KIAA0319: variants seen among roughly 807,000 people sequenced by gnomAD.
KIAA0319 encodes the protein KIAA0319.
KIAA0319 carries 83 observed loss-of-function variants against 108.4 expected under a neutral mutation model. That is an observed-to-expected ratio of 0.77 (90% confidence interval 0.64 to 0.92). The LOEUF is 0.92. Ranked by LOEUF, KIAA0319 falls within the 40% of genes least tolerant of loss-of-function variation. The pLI is 0.00. For missense variants in KIAA0319, 1,195 were observed against 1,322.4 expected (o/e 0.90, Z 1.49); for synonymous variants, 484 against 510.4 (o/e 0.95, Z 0.70).
intron 13 of KIAA0319, among the ~76,000 whole-genome samples, chr6:24,568,341 G>A (rs1256649370): frequency 3.3e-5 from 5 of 152,202 alleles, no homozygotes; most frequent in Admixed American, 3.3e-4. Flanking sequence ...AGACACTCAG[G>A]CAGTTCACAG....
chr6:24,632,050 T>G (rs1173791573), intron 1 of KIAA0319, among the ~76,000 whole-genome samples: 1 of 152,256 alleles, frequency 6.6e-6, no homozygotes, highest in Non-Finnish European at 1.5e-5. Flanking sequence ...GATCAGCTAG[T>G]AAAAAGTTTT....
chr6:24,583,294 G>T, intron 5 of KIAA0319: 1 of 1,002,900 alleles, frequency 1.0e-6, no homozygotes, highest in Non-Finnish European at 1.2e-6. Context: ...GGTTCTATGG[G>T]TTATTACAGT....
intron 4 of KIAA0319, among the ~76,000 whole-genome samples, chr6:24,587,218 A>G (rs1767641888): frequency 6.6e-6 from 1 of 151,304 alleles, no homozygotes; most frequent in Admixed American, 6.6e-5. Flanking sequence ...GCAACCATTC[A>G]CCATAGCCTT....
chr6:24,618,347 A>G (rs997554319), intron 1 of KIAA0319, among the ~76,000 whole-genome samples: 1 of 152,104 alleles, frequency 6.6e-6, no homozygotes, highest in African/African-American at 2.4e-5. Context: ...AATGACTCAC[A>G]GTTATAACCC....
rs1186085546 is a variant in KIAA0319, at chr6:24,566,698, G to A, written c.2191C>T (p.Leu731Phe). The stretch of plus-strand genomic sequence containing the variant: ...TCCAAAGTAATGGAATTATTGGGAA[G>A]CACAAGAACATGTCTGCCACCAGCC... Reference protein sequence around the residue: ...ARAGGRHVLVLPNNSITLDGS... With the variant: ...ARAGGRHVLVFPNNSITLDGS... Residue 731 changes from leucine (L) to phenylalanine (F), a missense_variant, in exon 14 of 21, where the codon CTT (leucine) becomes TTT (phenylalanine). Transcript: ENST00000378214. 6.2e-6 allele frequency: 10 copies of A among 1,613,346 alleles called. No individual in the cohort carries two copies. Among genetic ancestry groups the A allele is most frequent in the Non-Finnish European group, 8.5e-6 (10 of 1,179,668 alleles).
At chr6:24,629,440 G>A (rs568841072) in intron 1 of KIAA0319, among the ~76,000 whole-genome samples, 7 of 143,190 alleles carry the variant, frequency 4.9e-5, no homozygotes, top group Non-Finnish European at 9.0e-5. Flanking sequence ...GCATGAACCC[G>A]GGAAGCAGAG....
chr6:24,630,683 G>GTATATATATATATATATATATA (rs563881076), intron 1 of KIAA0319, among the ~76,000 whole-genome samples: 19 of 100,676 alleles, frequency 1.9e-4, no homozygotes, highest in African/African-American at 5.5e-4. Context: ...GTGTATATGT[G>GTATATATATATATATATATATA]TATATATATA....
chr6:24,633,383 T>A (rs1775818617), intron 1 of KIAA0319, among the ~76,000 whole-genome samples: 1 of 151,580 alleles, frequency 6.6e-6, no homozygotes, highest in African/African-American at 2.4e-5. Flanking sequence ...AAGATATGAA[T>A]AAAGGGAATG....
chr6:24,633,906 G>A (rs1775885992), intron 1 of KIAA0319, among the ~76,000 whole-genome samples: 2 of 151,886 alleles, frequency 1.3e-5, no homozygotes, highest in Non-Finnish European at 2.9e-5. Context: ...ACTACCACTA[G>A]AAAGAAAATT....
chr6:24,547,306 C>G lies in KIAA0319; in HGVS notation c.3078G>C (p.Leu1026=). 1 of 1,614,180 alleles carries G rather than the reference C, an allele frequency of 6.2e-7. No homozygotes were observed. ...KHRSTEHNSS[L]MVSESEFDSD... ...TGTCAAACTCAGACTCGGATACCATCAGGCTGGAGTTGTGCTCTGTGCTTC... is the reference window on the plus strand; with the variant it reads ...TGTCAAACTCAGACTCGGATACCATGAGGCTGGAGTTGTGCTCTGTGCTTC... Residue 1026 remains leucine, a synonymous_variant, in exon 21 of 21, where the codon CTG becomes CTC. Coordinates refer to ENST00000378214, the MANE Select transcript of KIAA0319 (RefSeq NM_014809.4).
At chr6:24,581,099 C>T (rs1361363910) in intron 6 of KIAA0319, 86 bp from the exon 7 acceptor site, 28 of 824,482 alleles carry the variant, frequency 3.4e-5, no homozygotes, top group Admixed American at 2.5e-4. Flanking sequence ...TCCCAGAAGC[C>T]GCACTCCTAA....
chr6:24,616,253 T>G (rs1297055227), intron 1 of KIAA0319, among the ~76,000 whole-genome samples: 1 of 152,272 alleles, frequency 6.6e-6, no homozygotes, highest in African/African-American at 2.4e-5. Context: ...TCTTGAGGTA[T>G]CCTTAAAATT....
chr6:24,580,748 C>T (rs1027881790), intron 7 of KIAA0319, among the ~76,000 whole-genome samples, 178 bp downstream of exon 7: 7 of 150,830 alleles, frequency 4.6e-5, no homozygotes, highest in Admixed American at 2.0e-4. Flanking sequence ...AAGTGTTATG[C>T]GAAAGGTAGA....
At chr6:24,564,884 A>G (rs1006589730) in intron 14 of KIAA0319, among the ~76,000 whole-genome samples, 4 of 152,214 alleles carry the variant, frequency 2.6e-5, no homozygotes, top group Admixed American at 1.3e-4. Flanking sequence ...ACAGAGACTC[A>G]TTGTTATTAC....
chr6:24,572,808 A>G lies in KIAA0319; in HGVS notation c.1735-110T>C, dbSNP rs1378074762. On this transcript the variant is annotated intron_variant, in intron 10 of 20. Transcript: ENST00000378214. ...ACTAACAATTTTACTTAATACAGAG[A>G]TCTTGCTCAAAAAAGAAATGTGTTT... is the stretch of plus-strand genomic sequence containing the variant. 3 of 1,096,634 alleles carry G rather than the reference A, an allele frequency of 2.7e-6. No homozygotes were observed. The African/African-American group carries it at 4.9e-5, about 18-fold the overall frequency. 67.9% of individuals were successfully genotyped at this position (1,096,634 alleles called of 1,614,324 possible). A position where few individuals can be genotyped will look rare whatever the true frequency, so the allele number is the denominator to read the frequency against.
At chr6:24,566,125 G>T (rs760830448) in intron 14 of KIAA0319, among the ~76,000 whole-genome samples, 1 of 152,216 alleles carries the variant, frequency 6.6e-6, no homozygotes, top group Non-Finnish European at 1.5e-5. Context: ...AGGGAACAGG[G>T]AAAGAGAGAT....
chr6:24,630,508 C>CAAAAAAAAAAAAAAAAA (rs66787757), intron 1 of KIAA0319, among the ~76,000 whole-genome samples: 1 of 104,460 alleles, frequency 9.6e-6, no homozygotes, highest in African/African-American at 3.6e-5. Context: ...GATTCTGTCT[C>CAAAAAAAAAAAAAAAAA]AAAAAAAAAA....
At chr6:24,634,510 TC>T (rs1405577691) in intron 1 of KIAA0319, among the ~76,000 whole-genome samples, 2 of 152,220 alleles carry the variant, frequency 1.3e-5, no homozygotes, top group Non-Finnish European at 2.9e-5. Flanking sequence ...GTGTGTATTT[TC>T]ATGGGAAATA....
At chr6:24,624,196 T>G (rs1201316500) in intron 1 of KIAA0319, among the ~76,000 whole-genome samples, 9 of 133,370 alleles carry the variant, frequency 6.7e-5, no homozygotes, top group African/African-American at 1.5e-4. Context: ...AGCTAATTTT[T>G]GGGGTTGTTT....
Sources: allele counts gnomAD v4.1 joint callset (sites outside exome capture counted in the v4.1 genomes callset), GRCh38; gene constraint gnomAD v4.1.1; transcripts MANE v1.5; gene names NCBI Gene and HGNC (gene_info 2026-07-23, HGNC 2026-07-21).